The following NEFH variants were observed in gnomAD, a reference collection of about 807,000 sequenced individuals.
The protein encoded by NEFH is neurofilament heavy chain, also known as neurofilament heavy polypeptide.
A neutral mutation model predicts 56.6 loss-of-function variants in NEFH; 58 were observed. The observed-to-expected ratio is 1.03, with a 90% CI of 0.83 to 1.28. The LOEUF (loss-of-function observed/expected upper bound fraction) is 1.28. Among genes scored for constraint, NEFH ranks in the 50% most tolerant of loss-of-function variants. NEFH has a pLI of 0.00. For synonymous variants in NEFH, 542 were observed against 545.8 expected (o/e 0.99, Z 0.10); for missense variants, 1,221 against 1,307.6 (o/e 0.93, Z 1.02).
chr22:29,485,722 G>C lies in NEFH; in HGVS notation c.1084-1G>C. 2 of 1,613,872 alleles carry C rather than the reference G, an allele frequency of 1.2e-6. No homozygotes were observed. Among genetic ancestry groups the C allele is most frequent in the Non-Finnish European group, 8.5e-7 (1 of 1,179,880 alleles). On this transcript the variant is annotated splice_acceptor_variant, in intron 2 of 3. Coordinates refer to ENST00000310624, the MANE Select transcript of NEFH (RefSeq NM_021076.4). LOFTEE classifies it high-confidence loss of function. ...TGATGTGTGTCACCTCTCCTTCCCA[G>C]GAAGCCATTCAGCAGCTGGACGCTG...
At chr22:29,481,265 C>T (rs776630581) in intron 1 of NEFH, 120 bp downstream of exon 1, 80 of 1,017,398 alleles carry the variant, frequency 7.9e-5, no homozygotes, top group Non-Finnish European at 1.1e-4. Flanking sequence ...TGCTCACCTT[C>T]CCTCTGCAAA....
chr22:29,483,545 C>T lies in NEFH; in HGVS notation c.1054C>T (p.Arg352Cys), dbSNP rs149955255. Residue 352 changes from arginine to cysteine, a missense_variant, in exon 2 of 4, where the codon CGT becomes TGT. This residue lies in a region of NEFH where 640 missense variants were observed against 555.5 expected (regional missense o/e 1.15). Coordinates refer to ENST00000310624, the MANE Select transcript of NEFH (RefSeq NM_021076.4). ...GAGGCAGCGCTCTGAGCTGGAGGAC[C>T]GTCATCAGGCCGACATTGCCTCCTA... Reference protein sequence around the residue: ...LERQRSELEDRHQADIASYQE... With the variant: ...LERQRSELEDCHQADIASYQE... 5.0e-5 allele frequency: 81 copies of T among 1,613,674 alleles called. No individual in the cohort carries two copies. The Middle Eastern group carries it at 1.2e-3, about 23-fold the overall frequency.
At position 29,490,050 on chromosome 22, in the gene NEFH, A is replaced by T. The variant is rs1371648320; in HGVS notation, c.2410A>T (p.Lys804Ter). The T allele has an allele frequency of 2.5e-6, 4 of 1,613,630 alleles. No individual in the cohort carries two copies. Among genetic ancestry groups the T allele is most frequent in the African/African-American group, 1.3e-5 (1 of 74,822 alleles). ...KSPEKAKSPL[K>*]EDAKAPEKEI... is the part of the protein sequence containing the mutation. ...CCCAGAGAAGGCGAAATCTCCCCTG[A>T]AGGAGGATGCCAAGGCCCCTGAGAA... The change falls in exon 4 of 4, where the codon AAG (lysine) becomes TAG (stop). Residue 804 changes from lysine to a stop codon, truncating the protein, a stop_gained. Transcript: ENST00000310624. LOFTEE classifies it high-confidence loss of function.
Position 29,485,821 on chromosome 22 carries a change from T to G in NEFH, c.1182T>G (p.Ala394=), listed in dbSNP as rs1033200120. The G allele has an allele frequency of 3.3e-5, 53 of 1,614,034 alleles. No homozygotes were observed. Among genetic ancestry groups the G allele is most frequent in the Non-Finnish European group, 4.2e-5 (49 of 1,180,026 alleles). Residue 394 remains alanine (A), a synonymous_variant, in exon 3 of 4, where the codon GCT becomes GCG. Transcript: ENST00000310624. ...AGGACCTGCTCAATGTCAAGATGGC[T>G]CTGGATATAGAGATAGCCGCTTACA... ...EYQDLLNVKM[A]LDIEIAAYRK...
chr22:29,489,397 C>T lies in NEFH; in HGVS notation c.1757C>T (p.Ser586Phe). The T allele has an allele frequency of 1.9e-6, 3 of 1,613,066 alleles. No individual in the cohort carries two copies. The highest frequency in any genetic ancestry group is 1.7e-4 in the Middle Eastern group (1 of 6,046). ...GTCAAGTCCCCCGAGAAGGCCAAGTCCCCAGCAAAGGAAGAGGCAAAGTCA... is the reference window on the plus strand; with the variant it reads ...GTCAAGTCCCCCGAGAAGGCCAAGTTCCCAGCAAAGGAAGAGGCAAAGTCA... The part of the protein sequence containing the change: ...AEVKSPEKAK[S>F]PAKEEAKSPA... Residue 586 changes from serine (S) to phenylalanine (F), a missense_variant, in exon 4 of 4, where the codon TCC becomes TTC. Physicochemically the swap from Ser to Phe is radical, Grantham distance 155 (BLOSUM62 -2). This residue lies in a region of NEFH where 243 missense variants were observed against 299.1 expected (regional missense o/e 0.81). Coordinates refer to ENST00000310624, the MANE Select transcript of NEFH (RefSeq NM_021076.4).
rs781450686 is a variant in NEFH at position 29,481,005 on chromosome 22, C to A, written c.743C>A (p.Ser248Tyr). 3 of 1,531,802 alleles carry A rather than the reference C, an allele frequency of 2.0e-6. No individual in the cohort carries two copies. The highest frequency in any genetic ancestry group is 2.6e-6 in the Non-Finnish European group (3 of 1,145,454). The allele number at this position is 1,531,802 out of a possible 1,614,324, so 94.9% of individuals were successfully genotyped here. ...GAGCTGCTCGGCCAGATCCAGGGCTCCGGCGCCGCGCAGGCGCAGATGCAG... is the reference window on the plus strand; with the variant it reads ...GAGCTGCTCGGCCAGATCCAGGGCTACGGCGCCGCGCAGGCGCAGATGCAG... ...VGELLGQIQG[S>Y]GAAQAQMQAE... Residue 248 changes from serine to tyrosine, a missense_variant, in exon 1 of 4, where the codon TCC becomes TAC. Ser to Tyr is a moderately radical substitution (Grantham distance 144, BLOSUM62 -2). This residue lies in a region of NEFH where 640 missense variants were observed against 555.5 expected (regional missense o/e 1.15). Transcript: ENST00000310624.
In NEFH at chr22:29,489,142, CAA is replaced by C; in HGVS notation, c.1504_1505del (p.Lys502ValfsTer27). 6.2e-7 allele frequency: 1 copy of C among 1,613,792 alleles called. No homozygotes were observed. The highest frequency in any genetic ancestry group is 8.5e-7 in the Non-Finnish European group (1 of 1,179,860). ...GAGGCAGAAGGGGGAGAAGAAGAAA[CAA>C]AGTCTCCCCCAGCAGAAGAGGCTGC... On this transcript the variant is annotated frameshift_variant, in exon 4 of 4. Transcript: ENST00000310624. LOFTEE classifies it low-confidence loss of function (END_TRUNC).
At chr22:29,481,256 G>T (rs1359226468) in intron 1 of NEFH, 111 bp downstream of exon 1, 2 of 1,095,662 alleles carry the variant, frequency 1.8e-6, no homozygotes, top group African/African-American at 1.6e-5. Context: ...GTGGCGCGCT[G>T]CTCACCTTCC....
intron 1 of NEFH, 146 bp from the exon 2 acceptor site, chr22:29,483,227 TGA>T: frequency 2.8e-6 from 2 of 721,212 alleles, no homozygotes; most frequent in Non-Finnish European, 4.6e-6. Flanking sequence ...TGCAGCGAGC[TGA>T]GAGTGCACCA....
chr22:29,480,848 G>C lies in NEFH; in HGVS notation c.586G>C (p.Glu196Gln), dbSNP rs2146391481. The C allele has an allele frequency of 7.2e-7, 1 of 1,394,686 alleles. No individual in the cohort carries two copies. Among genetic ancestry groups the C allele is most frequent in the Non-Finnish European group, 9.2e-7 (1 of 1,087,084 alleles). 86.4% of individuals were successfully genotyped at this position (1,394,686 alleles called of 1,614,324 possible). The change falls in exon 1 of 4, where the codon GAG becomes CAG. Residue 196 changes from glutamate (E) to glutamine (Q), a missense_variant. Around this residue, in one of 4 missense-constraint regions of NEFH, gnomAD observed 640 missense variants for 555.5 expected, o/e 1.15. Transcript: ENST00000310624. Reference sequence around the variant, plus strand: ...CGAGGCCCGGCAGCGAGAGGAGGCCGAGGCGGCGGCCCGCGCGCTGGCGCG... The same window carrying C: ...CGAGGCCCGGCAGCGAGAGGAGGCCCAGGCGGCGGCCCGCGCGCTGGCGCG... Reference protein sequence around the residue: ...DDEARQREEAEAAARALARFA... With the variant: ...DDEARQREEAQAAARALARFA...
At chr22:29,485,952 G>A in intron 3 of NEFH, 105 bp downstream of exon 3, 2 of 1,252,932 alleles carry the variant, frequency 1.6e-6, no homozygotes, top group Non-Finnish European at 2.3e-6. Context: ...CTGTCTTAGG[G>A]ACAAAATTCT....
rs762969612 is a variant in NEFH, at chr22:29,490,203, GAGA to G, written c.2569_2571del (p.Lys857del). On this transcript the variant is annotated inframe_deletion, in exon 4 of 4. Coordinates refer to ENST00000310624, the MANE Select transcript of NEFH (RefSeq NM_021076.4). The stretch of plus-strand genomic sequence containing the variant: ...AGCCCCTGCCACACCAAAAACAGAG[GAGA>G]AGAAGGACAGCAAGAAAGAGGAGGC... The G allele has an allele frequency of 2.5e-5, 40 of 1,611,028 alleles. No homozygotes were observed. Among genetic ancestry groups the G allele is most frequent in the Admixed American group, 1.0e-4 (6 of 59,152 alleles).
At position 29,480,434 on chromosome 22, in the gene NEFH, G is replaced by T. The variant is rs567284754; in HGVS notation, c.172G>T (p.Val58Leu). 4.6e-6 allele frequency: 7 copies of T among 1,531,898 alleles called. No homozygotes were observed. The East Asian group carries it at 1.5e-4, about 32-fold the overall frequency. 94.9% of individuals were successfully genotyped at this position (1,531,898 alleles called of 1,614,324 possible). ...GTGGACACGGACGTCCGTGAGCTCC[G>T]TGTCCGCCTCGCCCAGCCGCTTCCG... ...HSWTRTSVSS[V>L]SASPSRFRGA... The change falls in exon 1 of 4, where the codon GTG becomes TTG. Residue 58 changes from valine (V) to leucine (L), a missense_variant. This residue lies in a region of NEFH where 640 missense variants were observed against 555.5 expected (regional missense o/e 1.15). Coordinates refer to ENST00000310624, the MANE Select transcript of NEFH (RefSeq NM_021076.4).
intron 1 of NEFH, among the ~76,000 whole-genome samples, chr22:29,481,450 G>A (rs1245791247): frequency 6.6e-6 from 1 of 151,854 alleles, no homozygotes; most frequent in Non-Finnish European, 1.5e-5. Context: ...TCCCTCCCCC[G>A]TCAAGAAAAA....
At chr22:29,482,880 C>T (rs1268750543) in intron 1 of NEFH, among the ~76,000 whole-genome samples, 1 of 152,132 alleles carries the variant, frequency 6.6e-6, no homozygotes, top group Non-Finnish European at 1.5e-5. Flanking sequence ...AGCTGGGTGG[C>T]CTTGGGGAGT....
rs2062994833 is a variant in NEFH, at chr22:29,480,287, G to C, written c.25G>C (p.Ala9Pro). 1.3e-6 allele frequency: 2 copies of C among 1,505,236 alleles called. No individual in the cohort carries two copies. Among genetic ancestry groups the C allele is most frequent in the Non-Finnish European group, 1.8e-6 (2 of 1,136,684 alleles). 93.2% of individuals were successfully genotyped at this position (1,505,236 alleles called of 1,614,324 possible). MMSFGGAD[A>P]LLGAPFAPLH... ...CATGATGAGCTTCGGCGGCGCGGAC[G>C]CGCTGCTGGGCGCCCCGTTCGCGCC... Residue 9 changes from alanine to proline, a missense_variant, in exon 1 of 4, where the codon GCG (alanine) becomes CCG (proline). Around this residue, in one of 4 missense-constraint regions of NEFH, gnomAD observed 640 missense variants for 555.5 expected, o/e 1.15. Transcript: ENST00000310624.
chr22:29,481,572 T>C (rs1360387159), intron 1 of NEFH, among the ~76,000 whole-genome samples: 1 of 152,176 alleles, frequency 6.6e-6, no homozygotes, highest in Non-Finnish European at 1.5e-5. Context: ...CCATGCCCTC[T>C]CCTACACCCC....
In NEFH at chr22:29,480,673, G is replaced by C. The variant is rs1192029109; in HGVS notation, c.411G>C (p.Ala137=). ...CTGCGGCGCTGCGGCAGCAGCAGGC[G>C]GGCCGCTCCGCTATGGGCGAGCTGT... ...GEAAALRQQQ[A]GRSAMGELYE... is the part of the protein sequence containing the mutation. Residue 137 remains alanine (A), a synonymous_variant, in exon 1 of 4, where the codon GCG becomes GCC. Coordinates refer to ENST00000310624, the MANE Select transcript of NEFH (RefSeq NM_021076.4). The C allele has an allele frequency of 1.3e-6, 2 of 1,545,738 alleles. No homozygotes were observed. Among genetic ancestry groups the C allele is most frequent in the Admixed American group, 3.9e-5 (2 of 51,796 alleles).
chr22:29,481,099 A>C lies in NEFH; in HGVS notation c.837A>C (p.Glu279Asp). The C allele has an allele frequency of 3.9e-6, 6 of 1,531,366 alleles. No homozygotes were observed. The allele number at this position is 1,531,366 out of a possible 1,614,324, so 94.9% of individuals were successfully genotyped here. The change falls in exon 1 of 4, where the codon GAA becomes GAC. Residue 279 changes from glutamate (E) to aspartate (D), a missense_variant. Physicochemically the swap from Glu to Asp is conservative, Grantham distance 45. Coordinates refer to ENST00000310624, the MANE Select transcript of NEFH (RefSeq NM_021076.4). Reference sequence around the variant, plus strand: ...TGCGCGAGATTCGCGCGCAGCTTGAAGGCCACGCGGTGCAGAGCACGCTGC... The same window carrying C: ...TGCGCGAGATTCGCGCGCAGCTTGACGGCCACGCGGTGCAGAGCACGCTGC... ...SALREIRAQL[E>D]GHAVQSTLQS...
Sources: allele counts gnomAD v4.1 joint callset (sites outside exome capture counted in the v4.1 genomes callset), GRCh38; gene constraint gnomAD v4.1.1; regional missense constraint gnomAD v4.1.1; transcripts MANE v1.5; gene names NCBI Gene and HGNC (gene_info 2026-07-23, HGNC 2026-07-21).